The following NOX4 variants were observed in gnomAD, a reference collection of about 807,000 sequenced individuals.
NOX4 encodes kidney oxidase-1.
Under a neutral mutation model 87.6 loss-of-function variants are expected in NOX4, and 69 were observed. That is an observed-to-expected ratio of 0.79 (90% CI 0.65 to 0.96). The LOEUF is 0.96. NOX4 is among the 40% of genes least tolerant of loss of function. The pLI, the probability that NOX4 is intolerant of heterozygous loss-of-function variation, is 0.00. For synonymous variants in NOX4, 275 were observed against 238.2 expected (o/e 1.15, Z -1.42); for missense variants, 680 against 681.5 (o/e 1.00, Z 0.02).
Position 89,335,916 on chromosome 11 carries a change from C to T in NOX4, c.1545G>A (p.Leu515=), listed in dbSNP as rs376399358. The change falls in exon 17 of 18, where the codon CTG becomes CTA. Residue 515 remains leucine, a synonymous_variant. Coordinates refer to ENST00000263317, the MANE Select transcript of NOX4 (RefSeq NM_016931.5). ...GACGTCCTATAAACAGTCTTGAATT[C>T]AGTGCATGATATTTTTCTCCAATTA... The part of the protein sequence containing the change: ...QKIIGEKYHA[L]NSRLFIGRPR... 50 of 1,597,054 alleles carry T rather than the reference C, an allele frequency of 3.1e-5. No individual in the cohort carries two copies. The East Asian group carries it at 5.0e-4, about 16-fold the overall frequency.
chr11:89,577,102 T>C, the NOX4 span: 1 of 152,098 alleles, frequency 6.6e-6, no homozygotes, highest in South Asian at 2.1e-4. Context: ...GTATTAATAA[T>C]ATCACCTTAT....
intron 13 of NOX4, among the ~76,000 whole-genome samples, chr11:89,345,248 G>C (rs1946166705): frequency 6.6e-6 from 1 of 152,170 alleles, no homozygotes; most frequent in Non-Finnish European, 1.5e-5. Flanking sequence ...AGGAGCTACT[G>C]ATGTTGCTGA....
chr11:89,574,899 T>C, the NOX4 span, among the ~76,000 whole-genome samples: 1 of 152,158 alleles, frequency 6.6e-6, no homozygotes, highest in African/African-American at 2.4e-5. Context: ...ATATTGCTAG[T>C]GAGGCCAGGC....
At chr11:89,407,479 A>T (rs1241560738) in intron 8 of NOX4, among the ~76,000 whole-genome samples, 1 of 152,092 alleles carries the variant, frequency 6.6e-6, no homozygotes, top group African/African-American at 2.4e-5. Flanking sequence ...TTCTCCTATC[A>T]TGAGAAATAA....
At chr11:89,587,561 T>TA in the NOX4 span, among the ~76,000 whole-genome samples, 2 of 151,796 alleles carry the variant, frequency 1.3e-5, no homozygotes, top group Non-Finnish European at 2.9e-5. Context: ...GCCAAGGGAA[T>TA]AAAAAATTGT....
intron 13 of NOX4, among the ~76,000 whole-genome samples, chr11:89,346,976 CT>C (rs1399318220): frequency 3.9e-5 from 6 of 152,164 alleles, no homozygotes; most frequent in Non-Finnish European, 5.9e-5. Flanking sequence ...ATTAGGCATT[CT>C]TATAACTACA....
chr11:89,325,907 A>ATG lies in NOX4; in HGVS notation c.*848_*849insCA, dbSNP rs1446051550. Reference sequence around the variant, plus strand: ...TGTGTATATATATATATATATATATATATGTGTGTGTGTGTGTATATATAT... The same window carrying ATG: ...TGTGTATATATATATATATATATATATGTATGTGTGTGTGTGTGTATATATAT... On this transcript the variant is annotated 3_prime_UTR_variant, in exon 18 of 18. Transcript: ENST00000263317. 4 of 113,546 alleles carry ATG rather than the reference A, an allele frequency of 3.5e-5. No individual in the cohort carries two copies. Among genetic ancestry groups the ATG allele is most frequent in the African/African-American group, 1.6e-4 (4 of 25,796 alleles). 7.0% of individuals were successfully genotyped at this position (113,546 alleles called of 1,614,324 possible).
chr11:89,578,366 T>A, the NOX4 span, among the ~76,000 whole-genome samples: 2,321 of 152,234 alleles, frequency 0.015, 51 homozygotes, highest in African/African-American at 0.048. Flanking sequence ...TTCACCATGT[T>A]GGCCAGGATG....
At chr11:89,458,003 A>G (rs1207343171) in intron 2 of NOX4, among the ~76,000 whole-genome samples, 1 of 152,246 alleles carries the variant, frequency 6.6e-6, no homozygotes, top group African/African-American at 2.4e-5. Flanking sequence ...TACAGATTCA[A>G]TACCATTCCT....
rs144729129 is a variant in NOX4, at chr11:89,374,440, T to C, written c.1075-948A>G. On this transcript the variant is annotated intron_variant, in intron 11 of 17. Transcript: ENST00000263317. ...AAAAATGCATCTAAACTAAGGGCTA[T>C]GGGTAAGGGACCATCTGCCTGCGAC... 3.9e-3 allele frequency among the ~76,000 whole-genome samples: 594 copies of C among 152,312 alleles called. 17 individuals carry two copies. The highest frequency in any genetic ancestry group is 0.026 in the Admixed American group (397 of 15,284).
intron 3 of NOX4, among the ~76,000 whole-genome samples, chr11:89,450,639 G>A (rs1041952377): frequency 4.6e-5 from 7 of 151,686 alleles, no homozygotes; most frequent in Admixed American, 4.6e-4. Flanking sequence ...AGTTACATAT[G>A]TATACATGTG....
chr11:89,400,527 T>C (rs1042214349), intron 9 of NOX4, 148 bp from the exon 10 acceptor site: 3 of 530,578 alleles, frequency 5.7e-6, no homozygotes, highest in African/African-American at 3.9e-5. Flanking sequence ...TAAAAAATAA[T>C]AGATGCTCAC....
chr11:89,398,430 C>T (rs560528000), intron 11 of NOX4, among the ~76,000 whole-genome samples: 36 of 152,020 alleles, frequency 2.4e-4, no homozygotes, highest in East Asian at 1.4e-3. Flanking sequence ...CCTCTCTCAC[C>T]GCTCCTATTC....
chr11:89,444,442 C>A (rs1311156076), intron 4 of NOX4, among the ~76,000 whole-genome samples: 3 of 149,794 alleles, frequency 2.0e-5, no homozygotes, highest in Non-Finnish European at 4.4e-5. Context: ...AATGAAACAA[C>A]CCTAGTAAGT....
chr11:89,444,488 CACACAT>C (rs1381654268), intron 4 of NOX4, among the ~76,000 whole-genome samples: 21 of 147,338 alleles, frequency 1.4e-4, no homozygotes, highest in African/African-American at 5.3e-4. Context: ...CACACACACA[CACACAT>C]ACACACACAC....
chr11:89,400,836 A>T (rs1012143610), intron 9 of NOX4, among the ~76,000 whole-genome samples: 3 of 130,482 alleles, frequency 2.3e-5, no homozygotes, highest in Non-Finnish European at 3.2e-5. Flanking sequence ...CATAATATAC[A>T]TACATATAAT....
At chr11:89,569,729 T>G in the NOX4 span, among the ~76,000 whole-genome samples, 1 of 151,944 alleles carries the variant, frequency 6.6e-6, no homozygotes, top group African/African-American at 2.4e-5. Context: ...TCTGGCCGGG[T>G]GCAGTGGCTC....
intron 2 of NOX4, among the ~76,000 whole-genome samples, chr11:89,473,732 T>C (rs948471525): frequency 6.6e-6 from 1 of 152,144 alleles, no homozygotes; most frequent in African/African-American, 2.4e-5. Context: ...GTCCTCAAAA[T>C]ACTAGCAATC....
intron 7 of NOX4, among the ~76,000 whole-genome samples, chr11:89,429,409 A>G (rs1400428258): frequency 2.6e-5 from 4 of 152,196 alleles, no homozygotes; most frequent in African/African-American, 9.6e-5. Context: ...CAAAAAATCA[A>G]TGAATGCAGA....
Sources: gnomAD v4.1 joint callset for allele counts (sites outside exome capture counted in the v4.1 genomes callset) on GRCh38, gnomAD v4.1.1 for gene constraint, MANE v1.5 for transcripts, NCBI Gene and HGNC (gene_info 2026-07-23, HGNC 2026-07-21) for gene names.